Variants in ALK observed in about 807,000 individuals in gnomAD.
ALK encodes the protein ALK receptor tyrosine kinase.
ALK carries 74 observed loss-of-function variants against 163.1 expected under a neutral mutation model. The ratio of observed to expected loss-of-function variants is 0.45; its 90% CI spans 0.38 to 0.55. The LOEUF (loss-of-function observed/expected upper bound fraction) is 0.55. ALK is among the 20% of genes least tolerant of loss of function. The probability of loss-of-function intolerance (pLI) is 0.00; values close to 1 mark genes in which losing one functional copy is unlikely to be tolerated. For synonymous variants in ALK, 960 were observed against 843.2 expected (o/e 1.14, Z -2.40); for missense variants, 2,063 against 2,105.3 (o/e 0.98, Z 0.39).
chr2:29,282,268 T>G (rs1005424661), intron 9 of ALK, among the ~76,000 whole-genome samples: 2 of 152,218 alleles, frequency 1.3e-5, no homozygotes, highest in African/African-American at 4.8e-5. Context: ...AAAAGTCTTC[T>G]AAAATGGGCT....
intron 3 of ALK, among the ~76,000 whole-genome samples, chr2:29,638,622 C>A (rs764792389): frequency 7.9e-5 from 12 of 152,090 alleles, no homozygotes; most frequent in Non-Finnish European, 1.3e-4. Context: ...CTTCTGCCTG[C>A]CTGTTAGTCC....
At chr2:29,818,945 T>C (rs993698976) in intron 1 of ALK, among the ~76,000 whole-genome samples, 1 of 152,240 alleles carries the variant, frequency 6.6e-6, no homozygotes, top group Non-Finnish European at 1.5e-5. Context: ...GGTTTGCTTT[T>C]TCTTTAATAT....
In ALK at chr2:29,894,833, A is replaced by AAC. The variant is rs762896113; in HGVS notation, c.667+25158_667+25159dup. Among the ~76,000 whole-genome samples the AAC allele has an allele frequency of 1.2e-4, 18 of 150,086 alleles. No homozygotes were observed. In the South Asian group the frequency reaches 1.5e-3, roughly 12 times the overall value. On this transcript the variant is annotated intron_variant, in intron 1 of 28. Transcript: ENST00000389048. ...GTATCTGTGAGAATGTGATGCTTCA[A>AAC]ACACACACACACACACACAAACACA...
At chr2:29,356,974 G>T (rs964063981) in intron 5 of ALK, among the ~76,000 whole-genome samples, 23 of 152,130 alleles carry the variant, frequency 1.5e-4, no homozygotes, top group Non-Finnish European at 3.2e-4. Context: ...CCCACCCTCT[G>T]GGGCTTCAGC....
chr2:29,592,408 G>C (rs1013056072), intron 3 of ALK, among the ~76,000 whole-genome samples: 3 of 152,146 alleles, frequency 2.0e-5, no homozygotes, highest in Admixed American at 6.5e-5. Flanking sequence ...GTCCATGCTG[G>C]CTCAAGCAGG....
chr2:29,909,967 A>G (rs1364525479), intron 1 of ALK, among the ~76,000 whole-genome samples: 3 of 147,898 alleles, frequency 2.0e-5, no homozygotes, highest in Non-Finnish European at 4.4e-5. Flanking sequence ...GAATATTCAT[A>G]ATGCACCACA....
chr2:29,614,154 C>T (rs572481023), intron 3 of ALK, among the ~76,000 whole-genome samples: 210 of 152,244 alleles, frequency 1.4e-3, no homozygotes, highest in African/African-American at 4.9e-3. Context: ...CTGCTTCTCT[C>T]GGGTCCTCGG....
At chr2:29,521,442 T>C (rs899529645) in intron 4 of ALK, among the ~76,000 whole-genome samples, 1 of 152,188 alleles carries the variant, frequency 6.6e-6, no homozygotes, top group Non-Finnish European at 1.5e-5. Context: ...CTCCCAGGAA[T>C]AGACATTGCA....
intron 4 of ALK, among the ~76,000 whole-genome samples, chr2:29,453,453 C>G (rs1243324233): frequency 1.3e-5 from 2 of 151,878 alleles, no homozygotes; most frequent in Admixed American, 1.3e-4. Flanking sequence ...TCAGGCTGGT[C>G]TTGAACTCCT....
chr2:29,232,504 C>A, intron 14 of ALK, 56 bp from the exon 15 acceptor site: 1 of 1,610,100 alleles, frequency 6.2e-7, no homozygotes, highest in Non-Finnish European at 8.5e-7. Context: ...CCCCCTGGAG[C>A]CCCTAAGCTC....
At chr2:29,299,906 C>A (rs868218079) in intron 8 of ALK, among the ~76,000 whole-genome samples, 1 of 152,146 alleles carries the variant, frequency 6.6e-6, no homozygotes, top group Non-Finnish European at 1.5e-5. Context: ...TTTTATGATA[C>A]CATATCAAGG....
At chr2:29,680,628 T>A (rs1033387858) in intron 3 of ALK, among the ~76,000 whole-genome samples, 5 of 152,120 alleles carry the variant, frequency 3.3e-5, no homozygotes, top group African/African-American at 1.2e-4. Flanking sequence ...ACTTTTTTGT[T>A]GTTTTTAATT....
At chr2:29,720,023 C>T (rs1275828122) in intron 1 of ALK, among the ~76,000 whole-genome samples, 1 of 152,126 alleles carries the variant, frequency 6.6e-6, no homozygotes, top group East Asian at 1.9e-4. Flanking sequence ...CTAGGTTATA[C>T]TTTCCTGTTT....
At chr2:29,221,843 C>T (rs752533954) in intron 22 of ALK, among the ~76,000 whole-genome samples, 5 of 152,200 alleles carry the variant, frequency 3.3e-5, no homozygotes, top group Non-Finnish European at 7.3e-5. Flanking sequence ...CGGACGCCCT[C>T]AGGAGCCATA....
chr2:29,505,723 G>A (rs1458110333), intron 4 of ALK, among the ~76,000 whole-genome samples: 1 of 151,118 alleles, frequency 6.6e-6, no homozygotes, highest in Non-Finnish European at 1.5e-5. Flanking sequence ...ATAATTCATG[G>A]AATGGCAGAG....
Position 29,766,517 on chromosome 2 carries a change from A to G in ALK, c.668-48820T>C, listed in dbSNP as rs115421947. On this transcript the variant is annotated intron_variant, in intron 1 of 28. Coordinates refer to ENST00000389048, the MANE Select transcript of ALK (RefSeq NM_004304.5). ...CCACCTCCTGTTCATTCATCAAGACATACCCTAGGCAGTGAATATTTCCCC... is the reference window on the plus strand; with the variant it reads ...CCACCTCCTGTTCATTCATCAAGACGTACCCTAGGCAGTGAATATTTCCCC... Among the ~76,000 whole-genome samples, 678 of 152,282 alleles carry G rather than the reference A, an allele frequency of 4.5e-3. 8 individuals carry two copies. The highest frequency in any genetic ancestry group is 0.015 in the African/African-American group (615 of 41,564).
chr2:29,889,320 T>C (rs1667073725), intron 1 of ALK, among the ~76,000 whole-genome samples: 1 of 152,066 alleles, frequency 6.6e-6, no homozygotes, highest in Admixed American at 6.6e-5. Flanking sequence ...TAATGAGCAA[T>C]GTTAACACAA....
chr2:29,212,905 A>C (rs1406275794), intron 24 of ALK, among the ~76,000 whole-genome samples: 1 of 152,142 alleles, frequency 6.6e-6, no homozygotes, highest in Non-Finnish European at 1.5e-5. Flanking sequence ...GGGTTGCTCC[A>C]TGTTGGTCAG....
At chr2:29,752,070 C>T (rs982055706) in intron 1 of ALK, among the ~76,000 whole-genome samples, 9 of 152,210 alleles carry the variant, frequency 5.9e-5, no homozygotes, top group African/African-American at 2.2e-4. Flanking sequence ...CTTACCTGTA[C>T]TCTACAAAGA....
Sources: gnomAD v4.1 joint callset for allele counts (sites outside exome capture counted in the v4.1 genomes callset) on GRCh38, gnomAD v4.1.1 for gene constraint, MANE v1.5 for transcripts, NCBI Gene and HGNC (gene_info 2026-07-23, HGNC 2026-07-21) for gene names.